The following EPHA6 variants were observed in gnomAD, a reference collection of about 807,000 sequenced individuals.
EPHA6 encodes the protein ephrin type-A receptor 6.
A neutral mutation model predicts 112.0 loss-of-function variants in EPHA6; 50 were observed. That is an observed-to-expected ratio of 0.45 (90% CI 0.36 to 0.56). The LOEUF (loss-of-function observed/expected upper bound fraction) is 0.56. EPHA6 is among the 20% of genes least tolerant of loss of function. The pLI is 0.00. For synonymous variants in EPHA6, 529 were observed against 490.7 expected, an observed-to-expected ratio of 1.08 and a Z score of -1.03; for missense variants, 1,280 against 1,417.4, an observed-to-expected ratio of 0.90 and a Z score of 1.56.
chr3:97,611,052 C>A (rs1335138576), intron 13 of EPHA6, among the ~76,000 whole-genome samples, 198 bp downstream of exon 13: 1 of 151,568 alleles, frequency 6.6e-6, no homozygotes, highest in East Asian at 1.9e-4. Flanking sequence ...CACTCAATAA[C>A]GTAATTGATT....
Position 96,987,524 on chromosome 3 carries a change from C to A in EPHA6, c.645C>A (p.Cys215Ter). Residue 215 changes from cysteine (C) to a stop codon, truncating the protein, a stop_gained, in exon 3 of 18, where the codon TGC (cysteine) becomes TGA (stop). Coordinates refer to ENST00000389672, the MANE Select transcript of EPHA6 (RefSeq NM_001080448.3). LOFTEE classifies it high-confidence loss of function. ...GCATCCCATGGGTCTTGGGGACTTG[C>A]AAAGAAACATTTAATCTGTTTTATA... ...CNSIPWVLGT[C>*]KETFNLFYME... is the part of the protein sequence containing the mutation. The A allele has an allele frequency of 6.2e-7, 1 of 1,613,814 alleles. No individual in the cohort carries two copies. Among genetic ancestry groups the A allele is most frequent in the Non-Finnish European group, 8.5e-7 (1 of 1,179,832 alleles).
chr3:96,853,585 T>G (rs1164220187), intron 1 of EPHA6, among the ~76,000 whole-genome samples: 1 of 152,082 alleles, frequency 6.6e-6, no homozygotes, highest in South Asian at 2.1e-4. Context: ...GAGTGGATTC[T>G]TTCAGATTAG....
intron 13 of EPHA6, among the ~76,000 whole-genome samples, chr3:97,613,587 A>G (rs934208125): frequency 6.6e-6 from 1 of 152,148 alleles, no homozygotes; most frequent in Non-Finnish European, 1.5e-5. Flanking sequence ...CCTTGGGGAC[A>G]TTCTTCCAGA....
chr3:96,971,950 C>T (rs990425593), intron 2 of EPHA6, among the ~76,000 whole-genome samples: 2 of 152,032 alleles, frequency 1.3e-5, no homozygotes, highest in African/African-American at 4.8e-5. Flanking sequence ...ACATTGAGAA[C>T]ATATTATACA....
At chr3:97,494,060 T>A (rs28720901) in intron 10 of EPHA6, among the ~76,000 whole-genome samples, 17,332 of 152,240 alleles carry the variant, frequency 0.11, 3,139 homozygotes, top group African/African-American at 0.38. Context: ...CTAAGTGCTT[T>A]GACCAGGATG....
At chr3:97,465,688 A>G (rs2091027606) in intron 7 of EPHA6, among the ~76,000 whole-genome samples, 1 of 152,010 alleles carries the variant, frequency 6.6e-6, no homozygotes, top group Admixed American at 6.6e-5. Flanking sequence ...CCTAAAAGAA[A>G]TATACTTGGG....
chr3:97,416,891 A>G (rs968185005), intron 6 of EPHA6, among the ~76,000 whole-genome samples: 1 of 152,034 alleles, frequency 6.6e-6, no homozygotes, highest in Non-Finnish European at 1.5e-5. Flanking sequence ...ATCTAGAAAA[A>G]TTGAGTATTT....
chr3:97,276,028 T>C (rs2080066935), intron 5 of EPHA6, among the ~76,000 whole-genome samples: 1 of 151,694 alleles, frequency 6.6e-6, no homozygotes, highest in Non-Finnish European at 1.5e-5. Flanking sequence ...GGCAGCAGAG[T>C]TGGGGAGTTT....
intron 3 of EPHA6, among the ~76,000 whole-genome samples, chr3:97,094,573 A>C (rs1189418435): frequency 6.6e-6 from 1 of 152,128 alleles, no homozygotes; most frequent in Non-Finnish European, 1.5e-5. Flanking sequence ...ATTTATCTTG[A>C]GTTATTAACA....
At chr3:97,331,140 A>G (rs1424588647) in intron 5 of EPHA6, among the ~76,000 whole-genome samples, 1 of 152,216 alleles carries the variant, frequency 6.6e-6, no homozygotes, top group East Asian at 1.9e-4. Context: ...CTGTTCCTGG[A>G]TAACTACTGG....
intron 14 of EPHA6, among the ~76,000 whole-genome samples, chr3:97,670,221 A>G (rs921388256): frequency 5.9e-5 from 9 of 152,204 alleles, no homozygotes; most frequent in African/African-American, 2.2e-4. Flanking sequence ...ATGTCCACAT[A>G]AAACACCATA....
At chr3:96,860,244 A>G (rs2317930) in intron 1 of EPHA6, among the ~76,000 whole-genome samples, 10,472 of 152,106 alleles carry the variant, frequency 0.069, 712 homozygotes, top group Admixed American at 0.21. Context: ...AACAAACAAA[A>G]CTGCAGGAAG....
chr3:97,255,888 A>G (rs1031972641), intron 5 of EPHA6, among the ~76,000 whole-genome samples: 2 of 152,178 alleles, frequency 1.3e-5, no homozygotes, highest in East Asian at 3.8e-4. Flanking sequence ...GATGTAGCCA[A>G]TTTATGAAAA....
intron 11 of EPHA6, among the ~76,000 whole-genome samples, chr3:97,568,233 T>C (rs1190003634): frequency 1.3e-5 from 2 of 152,248 alleles, no homozygotes; most frequent in Admixed American, 6.5e-5. Context: ...TATAATATGC[T>C]AAATAAATTA....
intron 10 of EPHA6, among the ~76,000 whole-genome samples, chr3:97,491,485 G>A (rs1016005202): frequency 6.6e-6 from 1 of 152,206 alleles, no homozygotes; most frequent in Non-Finnish European, 1.5e-5. Flanking sequence ...AACTGACCAG[G>A]AGGGTCTCTG....
intron 2 of EPHA6, among the ~76,000 whole-genome samples, chr3:96,921,969 T>C (rs866183314): frequency 1.3e-5 from 2 of 152,052 alleles, no homozygotes; most frequent in Non-Finnish European, 2.9e-5. Flanking sequence ...AAGAATAATG[T>C]GAATCAACTG....
chr3:96,860,148 A>G (rs1005059877), intron 1 of EPHA6, among the ~76,000 whole-genome samples: 11 of 152,136 alleles, frequency 7.2e-5, no homozygotes, highest in African/African-American at 2.7e-4. Flanking sequence ...ATGATGTAAA[A>G]TCAGGTAACA....
chr3:97,568,535 A>G (rs527438619), intron 11 of EPHA6, among the ~76,000 whole-genome samples: 1 of 152,262 alleles, frequency 6.6e-6, no homozygotes, highest in South Asian at 2.1e-4. Flanking sequence ...TAAACCATCT[A>G]CAGCTCTCAG....
Position 97,701,131 on chromosome 3 carries a change from A to C in EPHA6, c.2785-19130A>C, listed in dbSNP as rs541642879. The stretch of plus-strand genomic sequence containing the variant: ...GCATAGTCTAAGTATTTTAGTGTGA[A>C]GGATTCCAGTATGAGTTTATTCTAA... On this transcript the variant is annotated intron_variant, in intron 14 of 17. Transcript: ENST00000389672. 5.9e-4 allele frequency among the ~76,000 whole-genome samples: 90 copies of C among 152,320 alleles called. 1 individual carries two copies. The highest frequency in any genetic ancestry group is 5.9e-3 in the Admixed American group (90 of 15,284).
Sources: gnomAD v4.1 joint callset for allele counts (sites outside exome capture counted in the v4.1 genomes callset) on GRCh38, gnomAD v4.1.1 for gene constraint, MANE v1.5 for transcripts, NCBI Gene and HGNC (gene_info 2026-07-23, HGNC 2026-07-21) for gene names.